CCDC138: variants seen among roughly 807,000 people sequenced by gnomAD.
CCDC138 encodes coiled-coil domain-containing protein 138.
In CCDC138, 66 loss-of-function variants were observed where a neutral mutation model predicts 82.3. That is an observed-to-expected ratio of 0.80 (90% CI 0.66 to 0.98). The LOEUF (loss-of-function observed/expected upper bound fraction) is 0.98. CCDC138 is among the 50% of genes least tolerant of loss of function. The pLI is 0.00. For missense variants in CCDC138, 816 were observed against 758.9 expected, an observed-to-expected ratio of 1.08 and a Z score of -0.88; for synonymous variants, 297 against 265.4, an observed-to-expected ratio of 1.12 and a Z score of -1.16.
chr2:108,835,112 C>T (rs2150349010), intron 10 of CCDC138, among the ~76,000 whole-genome samples: 1 of 152,276 alleles, frequency 6.6e-6, no homozygotes. Flanking sequence ...ATGGAGATCT[C>T]ATCTCTTTTT....
intron 13 of CCDC138, among the ~76,000 whole-genome samples, chr2:108,866,865 A>G (rs1694497795): frequency 6.6e-6 from 1 of 151,998 alleles, no homozygotes; most frequent in African/African-American, 2.4e-5. Flanking sequence ...CCTGGGCGAC[A>G]GAGTAAGACT....
In CCDC138 at chr2:108,828,180, A is replaced by G. The variant is rs983701617; in HGVS notation, c.1207-11005A>G. Reference sequence around the variant, plus strand: ...ACACCAAAATATATTGTAGATAAATATTTGGAGGTTATCGTGAAACCATAG... The same window carrying G: ...ACACCAAAATATATTGTAGATAAATGTTTGGAGGTTATCGTGAAACCATAG... On this transcript the variant is annotated intron_variant, in intron 10 of 14. Transcript: ENST00000295124. 4.4e-4 allele frequency among the ~76,000 whole-genome samples: 67 copies of G among 152,212 alleles called. 1 individual carries two copies. Among genetic ancestry groups the G allele is most frequent in the Non-Finnish European group, 5.7e-4 (39 of 68,036 alleles).
At chr2:108,857,769 T>C (rs1692865820) in intron 13 of CCDC138, among the ~76,000 whole-genome samples, 1 of 152,220 alleles carries the variant, frequency 6.6e-6, no homozygotes, top group South Asian at 2.1e-4. Context: ...CCAGTATTAC[T>C]TAAGTGCCTA....
intron 5 of CCDC138, among the ~76,000 whole-genome samples, chr2:108,797,647 T>C (rs12478500): frequency 0.64 from 97,485 of 152,018 alleles, 34,416 homozygotes; most frequent in East Asian, 0.9. Context: ...GGCAATATGA[T>C]CCTGAGCCTG....
chr2:108,789,822 A>G (rs1679599715), intron 3 of CCDC138, among the ~76,000 whole-genome samples: 1 of 152,232 alleles, frequency 6.6e-6, no homozygotes, highest in South Asian at 2.1e-4. Context: ...GGGAAAAAAT[A>G]TAAAAACAGT....
At chr2:108,843,818 A>G (rs1689921713) in intron 11 of CCDC138, among the ~76,000 whole-genome samples, 1 of 132,540 alleles carries the variant, frequency 7.5e-6, no homozygotes, top group Non-Finnish European at 1.6e-5. Context: ...GGAAGTTTTC[A>G]GTCATTATTT....
At chr2:108,816,522 G>A (rs796467496) in intron 10 of CCDC138, among the ~76,000 whole-genome samples, 16 of 135,592 alleles carry the variant, frequency 1.2e-4, no homozygotes, top group African/African-American at 3.8e-4. Context: ...CTCCTGCAGA[G>A]TCCAGAGGTG....
intron 10 of CCDC138, among the ~76,000 whole-genome samples, chr2:108,820,479 G>T (rs1412220257): frequency 6.6e-6 from 1 of 151,984 alleles, no homozygotes; most frequent in East Asian, 1.9e-4. Flanking sequence ...AGGCATACAA[G>T]TTCAAGAAAC....
intron 10 of CCDC138, among the ~76,000 whole-genome samples, chr2:108,817,760 G>T (rs1180529806): frequency 6.6e-6 from 1 of 152,164 alleles, no homozygotes; most frequent in Non-Finnish European, 1.5e-5. Flanking sequence ...TATATACATT[G>T]ATTTTGGCTG....
chr2:108,836,056 C>G (rs2150363581), intron 10 of CCDC138, among the ~76,000 whole-genome samples: 1 of 152,292 alleles, frequency 6.6e-6, no homozygotes, highest in Non-Finnish European at 1.5e-5. Context: ...TAAACACTTC[C>G]CAGTAGATCC....
At chr2:108,860,032 G>A (rs1693297841) in intron 13 of CCDC138, among the ~76,000 whole-genome samples, 1 of 151,998 alleles carries the variant, frequency 6.6e-6, no homozygotes, top group Non-Finnish European at 1.5e-5. Flanking sequence ...CTGGTTAGAT[G>A]TATTCCTAAG....
At chr2:108,848,242 C>T (rs1690828395) in intron 12 of CCDC138, among the ~76,000 whole-genome samples, 1 of 151,870 alleles carries the variant, frequency 6.6e-6, no homozygotes, top group African/African-American at 2.4e-5. Context: ...TGATAATATG[C>T]TAAGAAAAGC....
chr2:108,818,628 G>T (rs1224743804), intron 10 of CCDC138, among the ~76,000 whole-genome samples: 1 of 152,092 alleles, frequency 6.6e-6, no homozygotes, highest in Non-Finnish European at 1.5e-5. Context: ...TCGCAAGCAG[G>T]TATTCACATC....
rs559453148 is a variant in CCDC138 at position 108,793,175 on chromosome 2, G to A, written c.395-1365G>A. 7.5e-4 allele frequency among the ~76,000 whole-genome samples: 113 copies of A among 150,688 alleles called. 1 individual carries two copies. The highest frequency in any genetic ancestry group is 3.4e-3 in the Middle Eastern group (1 of 294). On this transcript the variant is annotated intron_variant, in intron 4 of 14. Transcript: ENST00000295124. ...GATCCAGACCATCCTGGCTAACACG[G>A]TGAAACCCTGTCTCTACTAAAAAAA...
intron 3 of CCDC138, among the ~76,000 whole-genome samples, chr2:108,790,914 G>A (rs1268653043): frequency 6.6e-6 from 1 of 151,712 alleles, no homozygotes; most frequent in Non-Finnish European, 1.5e-5. Flanking sequence ...ACTACTCCCA[G>A]CTAATTTATT....
intron 4 of CCDC138, among the ~76,000 whole-genome samples, chr2:108,793,931 C>T (rs900042216): frequency 2.6e-5 from 4 of 152,004 alleles, no homozygotes; most frequent in Admixed American, 2.0e-4. Context: ...ACTTGTACAC[C>T]AGAAGCCACG....
intron 13 of CCDC138, among the ~76,000 whole-genome samples, chr2:108,857,741 G>A (rs180973065): frequency 1.5e-3 from 229 of 152,282 alleles, no homozygotes; most frequent in African/African-American, 5.4e-3. Context: ...AAAGTGAAAA[G>A]TTAGTGAACT....
chr2:108,800,896 C>G (rs1195939685), intron 6 of CCDC138, among the ~76,000 whole-genome samples: 23 of 117,760 alleles, frequency 2.0e-4, no homozygotes, highest in South Asian at 1.6e-3. Context: ...TTTGTTCTTG[C>G]GATAGTTTAC....
chr2:108,807,174 T>A (rs1003145131), intron 7 of CCDC138, among the ~76,000 whole-genome samples: 1 of 152,144 alleles, frequency 6.6e-6, no homozygotes, highest in Non-Finnish European at 1.5e-5. Flanking sequence ...GATCCAGATA[T>A]TGGAATTTAA....
Sources: gnomAD v4.1 joint callset for allele counts (sites outside exome capture counted in the v4.1 genomes callset) on GRCh38, gnomAD v4.1.1 for gene constraint, MANE v1.5 for transcripts, NCBI Gene and HGNC (gene_info 2026-07-23, HGNC 2026-07-21) for gene names.